The following JAKMIP2 variants were observed in gnomAD, a reference collection of about 807,000 sequenced individuals.
JAKMIP2 encodes the protein janus kinase and microtubule interacting protein 2, also known as janus kinase and microtubule-interacting protein 2.
JAKMIP2 carries 25 observed loss-of-function variants against 115.0 expected under a neutral mutation model. The ratio of observed to expected loss-of-function variants is 0.22; its 90% CI spans 0.16 to 0.30. The LOEUF is 0.30. JAKMIP2 is among the 10% of genes least tolerant of loss of function. JAKMIP2 has a pLI of 1.00. For missense variants in JAKMIP2, 642 were observed against 957.6 expected (o/e 0.67, Z 4.35); for synonymous variants, 334 against 343.6 (o/e 0.97, Z 0.31).
intron 1 of JAKMIP2, among the ~76,000 whole-genome samples, chr5:147,709,589 G>A (rs1007349475): frequency 6.6e-6 from 1 of 152,070 alleles, no homozygotes; most frequent in Non-Finnish European, 1.5e-5. Context: ...GGTGGCTCAC[G>A]CCTGTAATCC....
rs1179776456 is a variant in JAKMIP2 at position 147,648,528 on chromosome 5, T to G, written c.838-54A>C. 63 of 974,094 alleles carry G rather than the reference T, an allele frequency of 6.5e-5. No individual in the cohort carries two copies. The East Asian group carries it at 1.5e-3, about 23-fold the overall frequency. 60.3% of individuals were successfully genotyped at this position (974,094 alleles called of 1,614,324 possible). The stretch of plus-strand genomic sequence containing the variant: ...CTTCAACAACACTTTTCACAAAGTT[T>G]GGGAATATCACTTATTATTCATAAA... On this transcript the variant is annotated intron_variant, in intron 4 of 21. Transcript: ENST00000616793.
At chr5:147,624,574 A>G (rs1178074059) in intron 16 of JAKMIP2, among the ~76,000 whole-genome samples, 1 of 152,208 alleles carries the variant, frequency 6.6e-6, no homozygotes, top group African/African-American at 2.4e-5. Flanking sequence ...ATAAAAACTT[A>G]TCTTTCCCAG....
intron 16 of JAKMIP2, 52 bp from the exon 17 acceptor site, chr5:147,623,741 A>G: frequency 3.4e-6 from 4 of 1,163,790 alleles, no homozygotes; most frequent in Non-Finnish European, 5.2e-6. Context: ...GATATGGTGT[A>G]TATCTGTGTG....
intron 13 of JAKMIP2, among the ~76,000 whole-genome samples, chr5:147,631,797 A>G (rs1369330638): frequency 6.6e-6 from 1 of 152,186 alleles, no homozygotes; most frequent in East Asian, 1.9e-4. Flanking sequence ...GAATATTTAG[A>G]GCTTTCAAAT....
chr5:147,632,604 C>T (rs1380193190), intron 13 of JAKMIP2, 76 bp downstream of exon 13: 13 of 917,090 alleles, frequency 1.4e-5, no homozygotes, highest in East Asian at 2.4e-5. Flanking sequence ...CTTAATACAG[C>T]GCCTAGCTCC....
At position 147,715,817 on chromosome 5, in the gene JAKMIP2, CT is replaced by C. The variant is rs1235192144; in HGVS notation, c.-148-43864del. Among the ~76,000 whole-genome samples the C allele has an allele frequency of 8.1e-3, 1,030 of 127,866 alleles. 8 individuals carry two copies. The highest frequency in any genetic ancestry group is 0.02 in the Middle Eastern group (5 of 246). The allele number at this position is 127,866 out of a possible 152,430, so 83.9% of individuals were successfully genotyped here. ...ATGATATTGTTTTAAAATTATATTT[CT>C]TTTTTTTTTTTTGGCCAATTTACTT... On this transcript the variant is annotated intron_variant, in intron 1 of 21. Coordinates refer to ENST00000616793, the MANE Select transcript of JAKMIP2 (RefSeq NM_001270941.2).
intron 1 of JAKMIP2, among the ~76,000 whole-genome samples, chr5:147,705,369 G>T (rs774165747): frequency 6.6e-6 from 1 of 152,104 alleles, no homozygotes; most frequent in African/African-American, 2.4e-5. Flanking sequence ...TTGGGAGGTC[G>T]AGGTGGATGG....
intron 1 of JAKMIP2, among the ~76,000 whole-genome samples, chr5:147,725,274 C>T (rs1231871170): frequency 6.6e-6 from 1 of 152,070 alleles, no homozygotes; most frequent in East Asian, 1.9e-4. Flanking sequence ...AATAATCCAC[C>T]CCTTGTTTAG....
intron 1 of JAKMIP2, among the ~76,000 whole-genome samples, chr5:147,698,795 A>G (rs1298690958): frequency 6.6e-6 from 1 of 152,184 alleles, no homozygotes; most frequent in Non-Finnish European, 1.5e-5. Context: ...TAAACTACCC[A>G]GTCTCAGGTA....
chr5:147,675,782 C>CTTTTTT (rs1561531706), intron 1 of JAKMIP2, among the ~76,000 whole-genome samples: 1 of 126,800 alleles, frequency 7.9e-6, no homozygotes. Context: ...AATCATATGA[C>CTTTTTT]ATTTTTTTTT....
chr5:147,735,812 C>A (rs1753900817), intron 1 of JAKMIP2, among the ~76,000 whole-genome samples: 1 of 152,164 alleles, frequency 6.6e-6, no homozygotes, highest in Admixed American at 6.5e-5. Context: ...TACTTTCTAG[C>A]AAACACTGCT....
At chr5:147,699,530 C>A (rs1266918622) in intron 1 of JAKMIP2, among the ~76,000 whole-genome samples, 1 of 152,054 alleles carries the variant, frequency 6.6e-6, no homozygotes, top group Non-Finnish European at 1.5e-5. Flanking sequence ...GGGATGAAGG[C>A]TGAGTGGCTT....
chr5:147,776,806 T>C (rs553533467), intron 1 of JAKMIP2, among the ~76,000 whole-genome samples: 2 of 152,166 alleles, frequency 1.3e-5, no homozygotes, highest in South Asian at 4.2e-4. Context: ...TGAGCACCTG[T>C]AGTTCCAGCT....
At chr5:147,779,471 A>G (rs1755680467) in intron 1 of JAKMIP2, among the ~76,000 whole-genome samples, 1 of 152,096 alleles carries the variant, frequency 6.6e-6, no homozygotes, top group Non-Finnish European at 1.5e-5. Context: ...CAAAGACCCC[A>G]TTAAATAACA....
At chr5:147,612,653 T>C (rs578163081) in intron 19 of JAKMIP2, among the ~76,000 whole-genome samples, 32 of 152,182 alleles carry the variant, frequency 2.1e-4, no homozygotes, top group Non-Finnish European at 4.4e-4. Flanking sequence ...TAGTGAGGTG[T>C]AGATTCCACA....
chr5:147,635,148 C>G (rs891589089), intron 12 of JAKMIP2, among the ~76,000 whole-genome samples: 1 of 151,692 alleles, frequency 6.6e-6, no homozygotes, highest in Non-Finnish European at 1.5e-5. Context: ...TTGCACTCCA[C>G]CCTGGGCAAC....
At chr5:147,757,801 G>A (rs1036273992) in intron 1 of JAKMIP2, among the ~76,000 whole-genome samples, 8 of 152,004 alleles carry the variant, frequency 5.3e-5, no homozygotes, top group African/African-American at 7.3e-5. Flanking sequence ...CTGAGGCTCC[G>A]CATCAATCCA....
chr5:147,736,177 C>T (rs989400446), intron 1 of JAKMIP2, among the ~76,000 whole-genome samples: 3 of 151,930 alleles, frequency 2.0e-5, no homozygotes, highest in Non-Finnish European at 4.4e-5. Context: ...ATTTGGGGGC[C>T]GGGCACAGTG....
At chr5:147,747,068 C>T (rs1381329697) in intron 1 of JAKMIP2, among the ~76,000 whole-genome samples, 1 of 152,138 alleles carries the variant, frequency 6.6e-6, no homozygotes, top group Non-Finnish European at 1.5e-5. Flanking sequence ...GTCTTTCACC[C>T]ACTCTCCCAC....
Sources: allele counts gnomAD v4.1 joint callset (sites outside exome capture counted in the v4.1 genomes callset), GRCh38; gene constraint gnomAD v4.1.1; transcripts MANE v1.5; gene names NCBI Gene and HGNC (gene_info 2026-07-23, HGNC 2026-07-21).